The following SCEL variants were observed in gnomAD, a reference collection of about 807,000 sequenced individuals.
SCEL encodes the protein sciellin.
Under a neutral mutation model 117.6 loss-of-function variants are expected in SCEL, and 113 were observed. That is an observed-to-expected ratio of 0.96 (90% CI 0.83 to 1.12). The LOEUF is 1.12. Ranked by LOEUF, SCEL falls within the 50% of genes most tolerant of loss-of-function variation. The pLI is 0.00. For missense variants in SCEL, 785 were observed against 810.8 expected (o/e 0.97, Z 0.39); for synonymous variants, 270 against 256.2 (o/e 1.05, Z -0.51).
chr13:77,589,188 C>T lies in SCEL; in HGVS notation c.590C>T (p.Pro197Leu). 6.2e-7 allele frequency: 1 copy of T among 1,613,154 alleles called. No individual in the cohort carries two copies. The highest frequency in any genetic ancestry group is 8.5e-7 in the Non-Finnish European group (1 of 1,179,226). Residue 197 changes from proline to leucine, a missense_variant, in exon 10 of 33, where the codon CCT becomes CTT. Physicochemically the swap from Pro to Leu is moderately conservative, Grantham distance 98. Coordinates refer to ENST00000349847, the MANE Select transcript of SCEL (RefSeq NM_144777.3). ...CCAATACCTCCAAAGCCCAGTTCTC[C>T]TGTTTCTTCTCCTAACCAGCTGAGA... is the stretch of plus-strand genomic sequence containing the variant. ...HPPIPPKPSS[P>L]VSSPNQLRQD...
intron 18 of SCEL, 130 bp downstream of exon 18, chr13:77,603,265 A>G (rs2087852083): frequency 4.2e-6 from 2 of 473,344 alleles, no homozygotes; most frequent in South Asian, 8.5e-5. Flanking sequence ...AGGCCACACG[A>G]CCATCCCTCC....
rs1028764045 is a variant in SCEL at position 77,627,989 on chromosome 13, G to A, written c.1671G>A (p.Val557=). Residue 557 remains valine (V), a synonymous_variant, in exon 28 of 33, where the codon GTG becomes GTA. Transcript: ENST00000349847. ...ATTTAATTGAAGTAAATTCTCATGT[G>A]TCTGAAAACAAGAATGGAAGGTAAA... ...LENLIEVNSH[V]SENKNGSSNT... is the part of the protein sequence containing the mutation. The A allele has an allele frequency of 6.6e-7, 1 of 1,507,646 alleles. No homozygotes were observed. The highest frequency in any genetic ancestry group is 2.3e-5 in the East Asian group (1 of 42,798). 93.4% of individuals were successfully genotyped at this position (1,507,646 alleles called of 1,614,324 possible). A position where few individuals can be genotyped will look rare whatever the true frequency, so the allele number is the denominator to read the frequency against.
Position 77,593,531 on chromosome 13 carries a change from A to T in SCEL, c.710A>T (p.Asn237Ile). The T allele has an allele frequency of 6.2e-6, 10 of 1,612,820 alleles. No homozygotes were observed. The highest frequency in any genetic ancestry group is 8.5e-6 in the Non-Finnish European group (10 of 1,179,138). ...ERNIRSQDLDNIVKVATSLQR... is the reference protein window; with the variant it reads ...ERNIRSQDLDIIVKVATSLQR... Reference sequence around the variant, plus strand: ...GTTTGAAGGAGTCAGGATCTTGATAACATCGTCAAAGTGGCCACTTCACTT... The same window carrying T: ...GTTTGAAGGAGTCAGGATCTTGATATCATCGTCAAAGTGGCCACTTCACTT... The change falls in exon 12 of 33, where the codon AAC becomes ATC. Residue 237 changes from asparagine (N) to isoleucine (I), a missense_variant. By Grantham distance (149) the Asn-to-Ile change is moderately radical. Transcript: ENST00000349847.
At chr13:77,535,971 T>C (rs965740014) in intron 1 of SCEL, 147 bp downstream of exon 1, 4 of 152,250 alleles carry the variant, frequency 2.6e-5, no homozygotes, top group African/African-American at 7.2e-5. Flanking sequence ...CAGCTGGCTG[T>C]TAGCTCTGCT....
chr13:77,549,055 C>A (rs989062426), intron 1 of SCEL, among the ~76,000 whole-genome samples: 1 of 152,112 alleles, frequency 6.6e-6, no homozygotes, highest in Non-Finnish European at 1.5e-5. Context: ...ATACTGATTT[C>A]TTTTCCTTGG....
intron 24 of SCEL, 38 bp downstream of exon 24, chr13:77,613,993 A>G (rs1297290342): frequency 1.4e-6 from 2 of 1,456,008 alleles, no homozygotes; most frequent in Non-Finnish European, 1.9e-6. Context: ...GTTTCTCGTT[A>G]AGTAAACCCA....
In SCEL at chr13:77,610,148, T is replaced by C. The variant is rs574043493; in HGVS notation, c.1337+42T>C. 1.5e-5 allele frequency: 21 copies of C among 1,422,024 alleles called. No individual in the cohort carries two copies. In the South Asian group the frequency reaches 2.0e-4, roughly 14 times the overall value. 88.1% of individuals were successfully genotyped at this position (1,422,024 alleles called of 1,614,324 possible). The stretch of plus-strand genomic sequence containing the variant: ...TCTCTATTTCTCCCCCCTTTTTTTT[T>C]CCTAATGAGCTTAAAAACATGACAA... On this transcript the variant is annotated intron_variant, in intron 22 of 32. Transcript: ENST00000349847.
At chr13:77,537,242 G>A (rs2083460010) in intron 1 of SCEL, among the ~76,000 whole-genome samples, 2 of 152,302 alleles carry the variant, frequency 1.3e-5, no homozygotes, top group South Asian at 2.1e-4. Flanking sequence ...CAACTGAAAC[G>A]GAGCATAGGC....
chr13:77,612,456 C>CTTT (rs71102764), intron 22 of SCEL, among the ~76,000 whole-genome samples: 34 of 93,586 alleles, frequency 3.6e-4, no homozygotes, highest in East Asian at 2.4e-3. Flanking sequence ...TTTTTCTTTT[C>CTTT]TTTTTTTTTT....
At position 77,610,988 on chromosome 13, in the gene SCEL, A is replaced by T. The variant is rs554566989; in HGVS notation, c.1337+882A>T. The stretch of plus-strand genomic sequence containing the variant: ...TGTTATATGAATTTGAACATGAGTT[A>T]GATGTAAAAGATACCAAGATATATA... On this transcript the variant is annotated intron_variant, in intron 22 of 32. Coordinates refer to ENST00000349847, the MANE Select transcript of SCEL (RefSeq NM_144777.3). Among the ~76,000 whole-genome samples, 5 of 152,348 alleles carry T rather than the reference A, an allele frequency of 3.3e-5. No individual in the cohort carries two copies. In the East Asian group the frequency reaches 9.6e-4, roughly 29 times the overall value.
intron 3 of SCEL, among the ~76,000 whole-genome samples, chr13:77,559,176 A>G (rs562419839): frequency 7.9e-5 from 12 of 152,324 alleles, no homozygotes; most frequent in African/African-American, 2.9e-4. Context: ...AAAATCCCCT[A>G]TCAGTTTTCT....
intron 8 of SCEL, 57 bp downstream of exon 8, chr13:77,569,508 G>A (rs1275627421): frequency 7.5e-7 from 1 of 1,338,404 alleles, no homozygotes; most frequent in Non-Finnish European, 1.1e-6. Context: ...GACTGCATTA[G>A]AAAGCTTCCT....
intron 2 of SCEL, 64 bp from the exon 3 acceptor site, chr13:77,556,532 T>TA (rs2084664622): frequency 7.2e-7 from 1 of 1,389,334 alleles, no homozygotes; most frequent in African/African-American, 1.4e-5. Flanking sequence ...GATTTTCAGG[T>TA]TAACAAGCCC....
In SCEL at chr13:77,573,915, C is replaced by T. The variant is rs544952877; in HGVS notation, c.545+1726C>T. Among the ~76,000 whole-genome samples, 158 of 152,234 alleles carry T rather than the reference C, an allele frequency of 1.0e-3. 2 individuals are homozygous for T. Among genetic ancestry groups the T allele is most frequent in the Non-Finnish European group, 4.9e-4 (33 of 68,020 alleles). On this transcript the variant is annotated intron_variant, in intron 9 of 32. Transcript: ENST00000349847. The stretch of plus-strand genomic sequence containing the variant: ...CCCCTCAGGCTGTTATTAGATACTT[C>T]GCTATGGGTGATACCTTTGATATAA...
chr13:77,562,902 T>A (rs1287456306), intron 4 of SCEL, among the ~76,000 whole-genome samples: 1 of 152,216 alleles, frequency 6.6e-6, no homozygotes, highest in Non-Finnish European at 1.5e-5. Context: ...TCTAATGCAA[T>A]ACTTTGGATA....
chr13:77,605,342 G>C (rs2088076470), intron 19 of SCEL, among the ~76,000 whole-genome samples: 1 of 152,158 alleles, frequency 6.6e-6, no homozygotes, highest in African/African-American at 2.4e-5. Flanking sequence ...CATGGTCAGA[G>C]GCACCGCGAC....
chr13:77,545,198 T>A (rs2083921514), intron 1 of SCEL, among the ~76,000 whole-genome samples: 3 of 152,212 alleles, frequency 2.0e-5, no homozygotes. Context: ...AAAGCCAAGA[T>A]TAGAGTTTCA....
chr13:77,575,157 G>T (rs1308851493), intron 9 of SCEL, among the ~76,000 whole-genome samples: 1 of 151,888 alleles, frequency 6.6e-6, no homozygotes, highest in African/African-American at 2.4e-5. Context: ...ATACACTATG[G>T]AAAAAATCAA....
chr13:77,573,962 A>G (rs1170507719), intron 9 of SCEL, among the ~76,000 whole-genome samples: 1 of 152,190 alleles, frequency 6.6e-6, no homozygotes, highest in Non-Finnish European at 1.5e-5. Flanking sequence ...AGTGGGGAAA[A>G]TGTTGACTAG....
Sources: gnomAD v4.1 joint callset for allele counts (sites outside exome capture counted in the v4.1 genomes callset) on GRCh38, gnomAD v4.1.1 for gene constraint, MANE v1.5 for transcripts, NCBI Gene and HGNC (gene_info 2026-07-23, HGNC 2026-07-21) for gene names.